ADARB2: variants seen among roughly 807,000 people sequenced by gnomAD.
ADARB2 encodes the protein adenosine deaminase RNA specific B2 (inactive), also known as inactive double-stranded RNA-specific editase B2.
ADARB2 carries 25 observed loss-of-function variants against 62.2 expected under a neutral mutation model. That is an observed-to-expected ratio of 0.40 (90% CI 0.29 to 0.56). The LOEUF is 0.56. Ranked by LOEUF, ADARB2 falls within the 20% of genes least tolerant of loss-of-function variation. ADARB2 has a pLI of 0.43. For missense variants in ADARB2, 1,071 were observed against 1,077.4 expected, an observed-to-expected ratio of 0.99 and a Z score of 0.08; for synonymous variants, 572 against 500.8, an observed-to-expected ratio of 1.14 and a Z score of -1.90.
At chr10:1,475,509 C>G (rs959852098) in intron 1 of ADARB2, among the ~76,000 whole-genome samples, 2 of 152,142 alleles carry the variant, frequency 1.3e-5, no homozygotes, top group Non-Finnish European at 2.9e-5. Context: ...TCGTGCTGTG[C>G]GGACAGGGAA....
chr10:1,239,864 CT>C (rs1172861304), intron 5 of ADARB2, among the ~76,000 whole-genome samples: 1 of 27,262 alleles, frequency 3.7e-5, no homozygotes, highest in Non-Finnish European at 5.9e-5. Flanking sequence ...GTTTACTCCC[CT>C]CTCCCTCCCG....
At chr10:1,476,495 C>T (rs1386328324) in intron 1 of ADARB2, among the ~76,000 whole-genome samples, 5 of 152,214 alleles carry the variant, frequency 3.3e-5, no homozygotes, top group Non-Finnish European at 7.3e-5. Context: ...GACGCCTGGG[C>T]TGCCTGATTG....
chr10:1,718,104 G>A (rs1464452387), intron 1 of ADARB2, among the ~76,000 whole-genome samples: 1 of 152,144 alleles, frequency 6.6e-6, no homozygotes, highest in African/African-American at 2.4e-5. Flanking sequence ...AAACCAAGAG[G>A]CACAAACACA....
At chr10:1,468,401 G>A (rs1831283818) in intron 1 of ADARB2, among the ~76,000 whole-genome samples, 1 of 152,198 alleles carries the variant, frequency 6.6e-6, no homozygotes, top group Non-Finnish European at 1.5e-5. Context: ...CTGCTCCCTG[G>A]TAGTGTGGCG....
intron 1 of ADARB2, among the ~76,000 whole-genome samples, chr10:1,689,677 G>C (rs1874984): frequency 0.43 from 65,600 of 152,050 alleles, 14,316 homozygotes; most frequent in Non-Finnish European, 0.47. Flanking sequence ...GGGTGTTCAG[G>C]CTGTCCACAG....
At chr10:1,336,000 T>C (rs1831972112) in intron 3 of ADARB2, among the ~76,000 whole-genome samples, 1 of 152,258 alleles carries the variant, frequency 6.6e-6, no homozygotes, top group African/African-American at 2.4e-5. Flanking sequence ...TCATGACAAA[T>C]GTAAACATAA....
At chr10:1,227,283 C>G (rs981009839) in intron 6 of ADARB2, among the ~76,000 whole-genome samples, 2 of 152,188 alleles carry the variant, frequency 1.3e-5, no homozygotes, top group Admixed American at 6.5e-5. Flanking sequence ...GGGAGTGACC[C>G]GATTTTCCAG....
intron 1 of ADARB2, among the ~76,000 whole-genome samples, chr10:1,573,384 T>G (rs976665915): frequency 2.6e-5 from 4 of 152,018 alleles, no homozygotes; most frequent in African/African-American, 7.2e-5. Flanking sequence ...TTCCCCCATT[T>G]CTCCTCATGT....
chr10:1,591,430 C>A (rs779970456), intron 1 of ADARB2, among the ~76,000 whole-genome samples: 1 of 152,156 alleles, frequency 6.6e-6, no homozygotes, highest in Admixed American at 6.5e-5. Flanking sequence ...GCATTATTGG[C>A]GAATGCCTGG....
chr10:1,458,949 A>G (rs986684082), intron 1 of ADARB2, among the ~76,000 whole-genome samples: 4 of 152,256 alleles, frequency 2.6e-5, no homozygotes, highest in African/African-American at 9.6e-5. Context: ...AAAGCTCAAC[A>G]TCACTGATCA....
chr10:1,725,348 AG>A (rs371605179), intron 1 of ADARB2, among the ~76,000 whole-genome samples: 1 of 152,176 alleles, frequency 6.6e-6, no homozygotes, highest in Non-Finnish European at 1.5e-5. Flanking sequence ...CATCATGGGT[AG>A]GGGGGCCTCT....
chr10:1,452,143 C>T (rs74323136), intron 1 of ADARB2, among the ~76,000 whole-genome samples: 294 of 152,294 alleles, frequency 1.9e-3, no homozygotes, highest in African/African-American at 6.9e-3. Context: ...CCGCTGCCAC[C>T]ATCACACCTC....
chr10:1,595,679 G>A (rs574154000), intron 1 of ADARB2, among the ~76,000 whole-genome samples: 22 of 152,358 alleles, frequency 1.4e-4, no homozygotes, highest in Admixed American at 1.4e-3. Context: ...AGAGACCAGA[G>A]AGAAGTATTC....
intron 1 of ADARB2, among the ~76,000 whole-genome samples, chr10:1,544,013 A>C (rs962418745): frequency 8.6e-5 from 2 of 23,316 alleles, no homozygotes; most frequent in African/African-American, 1.8e-4. Flanking sequence ...AAAAAAAAAA[A>C]CAAACAAAAA....
intron 3 of ADARB2, chr10:1,361,572 G>A (rs1832255792): frequency 6.6e-6 from 1 of 152,158 alleles, no homozygotes; most frequent in Non-Finnish European, 1.5e-5. Flanking sequence ...AGGCAGGGGT[G>A]TGCCCTACCC....
At chr10:1,696,745 G>C (rs564769680) in intron 1 of ADARB2, among the ~76,000 whole-genome samples, 1 of 152,164 alleles carries the variant, frequency 6.6e-6, no homozygotes, top group Non-Finnish European at 1.5e-5. Context: ...CTCAGGACCT[G>C]GGACCTGGGG....
intron 1 of ADARB2, among the ~76,000 whole-genome samples, chr10:1,379,538 C>A (rs1221853822): frequency 6.6e-6 from 1 of 152,220 alleles, no homozygotes; most frequent in East Asian, 1.9e-4. Context: ...GTAAAACAAT[C>A]TCACAATTAA....
At chr10:1,658,440 TTC>T (rs1186065347) in intron 1 of ADARB2, among the ~76,000 whole-genome samples, 5 of 152,194 alleles carry the variant, frequency 3.3e-5, no homozygotes, top group East Asian at 1.9e-4. Context: ...CTCTCTGTTT[TTC>T]TCTCTCTGTG....
At chr10:1,361,463 G>A (rs1832254158) in intron 3 of ADARB2, 2 of 152,170 alleles carry the variant, frequency 1.3e-5, no homozygotes, top group Admixed American at 6.5e-5. Context: ...CAAGACTGAT[G>A]GAGATTGTGG....
Sources: gnomAD v4.1 joint callset for allele counts (sites outside exome capture counted in the v4.1 genomes callset) on GRCh38, gnomAD v4.1.1 for gene constraint, MANE v1.5 for transcripts, NCBI Gene and HGNC (gene_info 2026-07-23, HGNC 2026-07-21) for gene names.